The following GSTZ1 variants were observed in gnomAD, a reference collection of about 807,000 sequenced individuals.
The protein encoded by GSTZ1 is maleylacetoacetate isomerase.
Under a neutral mutation model 35.9 loss-of-function variants are expected in GSTZ1, and 34 were observed. The ratio of observed to expected loss-of-function variants is 0.95; its 90% CI spans 0.72 to 1.26. The LOEUF (loss-of-function observed/expected upper bound fraction) is 1.26. GSTZ1 is among the 50% of genes most tolerant of loss of function. GSTZ1 has a pLI of 0.00. For missense variants in GSTZ1, 263 were observed against 271.7 expected, an observed-to-expected ratio of 0.97 and a Z score of 0.23; for synonymous variants, 93 against 101.2, an observed-to-expected ratio of 0.92 and a Z score of 0.49.
chr14:77,330,691 G>A (rs774584711), intron 8 of GSTZ1, among the ~76,000 whole-genome samples: 42 of 152,096 alleles, frequency 2.8e-4, no homozygotes, highest in Non-Finnish European at 4.9e-4. Context: ...GCATCCTTCC[G>A]TGAACCCTTT....
At chr14:77,330,132 T>G in intron 7 of GSTZ1, 178 bp from the exon 8 acceptor site, 1 of 741,318 alleles carries the variant, frequency 1.3e-6, no homozygotes. Flanking sequence ...GGGAGGGCAC[T>G]TCAGCTCCGG....
At chr14:77,324,348 T>C in intron 1 of GSTZ1, 1 of 518,924 alleles carries the variant, frequency 1.9e-6, no homozygotes, top group South Asian at 2.1e-5. Context: ...GGTTTCACCA[T>C]GTTGGCCAGG....
At chr14:77,321,604 C>A (rs1275736110) in intron 1 of GSTZ1, 4 of 1,102,390 alleles carry the variant, frequency 3.6e-6, no homozygotes, top group Non-Finnish European at 4.6e-6. Context: ...AGTCCCCGGG[C>A]CGGGCGCGGT....
Position 77,329,824 on chromosome 14 carries a change from C to G in GSTZ1, c.474+17C>G. The stretch of plus-strand genomic sequence containing the variant: ...GGAGACGAGGTAAGCTGTCCCCAGA[C>G]CTCCCCAGGCCCAGCCACAGTGGCT... On this transcript the variant is annotated intron_variant, in intron 7 of 8. Transcript: ENST00000216465. 1 of 1,600,320 alleles carries G rather than the reference C, an allele frequency of 6.2e-7. No individual in the cohort carries two copies. Among genetic ancestry groups the G allele is most frequent in the Non-Finnish European group, 8.6e-7 (1 of 1,167,462 alleles).
chr14:77,324,463 CCAGAGT>C (rs1475765048), intron 1 of GSTZ1: 6 of 742,850 alleles, frequency 8.1e-6, no homozygotes, highest in African/African-American at 6.9e-5. Context: ...CCCTTTCTGA[CCAGAGT>C]CAAAGTTCCC....
rs889720513 is a variant in GSTZ1, at chr14:77,331,361, C to G, written c.*166C>G. 1.3e-6 allele frequency: 1 copy of G among 745,048 alleles called. No individual in the cohort carries two copies. The highest frequency in any genetic ancestry group is 1.8e-5 in the African/African-American group (1 of 56,948). 46.2% of individuals were successfully genotyped at this position (745,048 alleles called of 1,614,324 possible). ...TCCACCTCAGTCCCCTCATCTGTCA[C>G]ACGCATGTGGGGTGGAGTAGGGAGA... is the stretch of plus-strand genomic sequence containing the variant. On this transcript the variant is annotated 3_prime_UTR_variant, in exon 9 of 9. Transcript: ENST00000216465.
Position 77,321,095 on chromosome 14 carries a change from C to T in GSTZ1, c.-74C>T, listed in dbSNP as rs1260675838. The T allele has an allele frequency of 5.7e-6, 8 of 1,397,904 alleles. No homozygotes were observed. The East Asian group carries it at 2.1e-4, about 36-fold the overall frequency. 86.6% of individuals were successfully genotyped at this position (1,397,904 alleles called of 1,614,324 possible). A position where few individuals can be genotyped will look rare whatever the true frequency, so the allele number is the denominator to read the frequency against. On this transcript the variant is annotated 5_prime_UTR_variant, in exon 1 of 9. Transcript: ENST00000216465. ...CACGGGCCTGATTCGTCGAGTCTCACTGAGCCTTAGTCGTCGGCAGGTCCC... is the reference window on the plus strand; with the variant it reads ...CACGGGCCTGATTCGTCGAGTCTCATTGAGCCTTAGTCGTCGGCAGGTCCC...
At position 77,331,389 on chromosome 14, in the gene GSTZ1, C is replaced by T. The variant is rs971109164; in HGVS notation, c.*194C>T. On this transcript the variant is annotated 3_prime_UTR_variant, in exon 9 of 9. Coordinates refer to ENST00000216465, the MANE Select transcript of GSTZ1 (RefSeq NM_145870.3). ...GCATGTGGGGTGGAGTAGGGAGATGCGGGGAGCAGGGTGGGCAGGAATACT... is the reference window on the plus strand; with the variant it reads ...GCATGTGGGGTGGAGTAGGGAGATGTGGGGAGCAGGGTGGGCAGGAATACT... The T allele has an allele frequency of 1.7e-6, 1 of 596,514 alleles. No homozygotes were observed. The highest frequency in any genetic ancestry group is 2.8e-5 in the East Asian group (1 of 35,120). The allele number at this position is 596,514 out of a possible 1,614,324, so 37.0% of individuals were successfully genotyped here. A position where few individuals can be genotyped will look rare whatever the true frequency, so the allele number is the denominator to read the frequency against.
chr14:77,328,225 TC>T (rs1566674707), intron 5 of GSTZ1, 188 bp downstream of exon 5: 1 of 626,056 alleles, frequency 1.6e-6, no homozygotes, highest in Admixed American at 2.9e-5. Context: ...CCCCAGCGGG[TC>T]CCCCGCTGCG....
intron 1 of GSTZ1, 190 bp downstream of exon 1, chr14:77,321,373 TGG>T: frequency 6.5e-7 from 1 of 1,530,954 alleles, no homozygotes; most frequent in Non-Finnish European, 8.7e-7. Flanking sequence ...CCGGGAGGGT[TGG>T]GCCAGAGGAG....
At chr14:77,330,721 CCT>C (rs1489975150) in intron 8 of GSTZ1, among the ~76,000 whole-genome samples, 2 of 152,162 alleles carry the variant, frequency 1.3e-5, no homozygotes, top group Non-Finnish European at 2.9e-5. Flanking sequence ...CAAATGAGCA[CCT>C]CTCTGGAAGG....
At position 77,327,991 on chromosome 14, in the gene GSTZ1, T is replaced by C; in HGVS notation, c.296T>C (p.Val99Ala). ...LPQDPKKRAS[V>A]RMISDLIAGG... Reference sequence around the variant, plus strand: ...CAGGACCCAAAGAAGAGGGCCAGCGTGCGTATGATTTCTGACCTCATCGCT... The same window carrying C: ...CAGGACCCAAAGAAGAGGGCCAGCGCGCGTATGATTTCTGACCTCATCGCT... The change falls in exon 5 of 9, where the codon GTG (valine) becomes GCG (alanine). Residue 99 changes from valine (V) to alanine (A), a missense_variant. By Grantham distance (64) the Val-to-Ala change is moderately conservative. Transcript: ENST00000216465. 1 of 1,614,098 alleles carries C rather than the reference T, an allele frequency of 6.2e-7. No individual in the cohort carries two copies. The highest frequency in any genetic ancestry group is 8.5e-7 in the Non-Finnish European group (1 of 1,179,970).
At chr14:77,324,959 G>T (rs778517696) in intron 2 of GSTZ1, 38 bp downstream of exon 2, 3 of 1,537,528 alleles carry the variant, frequency 2.0e-6, no homozygotes, top group Middle Eastern at 1.7e-4. Flanking sequence ...GTGCTGGAGT[G>T]GGGTGGACTG....
intron 3 of GSTZ1, 53 bp from the exon 4 acceptor site, chr14:77,327,419 C>A: frequency 8.6e-7 from 1 of 1,161,572 alleles, no homozygotes; most frequent in East Asian, 2.4e-5. Context: ...CTTGGCTTTC[C>A]TCTGGCCAAC....
At chr14:77,328,085 C>T (rs919768738) in intron 5 of GSTZ1, 48 bp downstream of exon 5, 5 of 1,604,228 alleles carry the variant, frequency 3.1e-6, no homozygotes, top group African/African-American at 2.7e-5. Context: ...CACACTCTTA[C>T]ACTCACACAT....
chr14:77,327,946 C>A lies in GSTZ1; in HGVS notation c.251C>A (p.Pro84His). 6.2e-7 allele frequency: 1 copy of A among 1,613,778 alleles called. No homozygotes were observed. The highest frequency in any genetic ancestry group is 8.5e-7 in the Non-Finnish European group (1 of 1,179,760). Reference sequence around the variant, plus strand: ...ATTGAGTATCTAGAGGAGATGCGTCCCACTCCGCGACTTCTGCCTCAGGAC... The same window carrying A: ...ATTGAGTATCTAGAGGAGATGCGTCACACTCCGCGACTTCTGCCTCAGGAC... ...AIIEYLEEMR[P>H]TPRLLPQDPK... Residue 84 changes from proline (P) to histidine (H), a missense_variant, in exon 5 of 9, where the codon CCC (proline) becomes CAC (histidine). Coordinates refer to ENST00000216465, the MANE Select transcript of GSTZ1 (RefSeq NM_145870.3).
At chr14:77,328,844 G>A (rs548882932) in intron 5 of GSTZ1, 63 of 496,502 alleles carry the variant, frequency 1.3e-4, no homozygotes, top group Admixed American at 2.6e-4. Context: ...CCATGGCCGC[G>A]TCCTGTGTCA....
At chr14:77,326,077 T>C (rs1255202144) in intron 2 of GSTZ1, 2 of 152,450 alleles carry the variant, frequency 1.3e-5, no homozygotes, top group African/African-American at 4.8e-5. Flanking sequence ...TTCCCTGAGA[T>C]TGGCCATCAC....
chr14:77,327,339 G>T (rs1892372141), intron 3 of GSTZ1, 133 bp from the exon 4 acceptor site: 2 of 678,118 alleles, frequency 2.9e-6, no homozygotes, highest in Non-Finnish European at 5.4e-6. Flanking sequence ...ATTACCCTGG[G>T]CCTAGGATTT....
Sources: allele counts gnomAD v4.1 joint callset (sites outside exome capture counted in the v4.1 genomes callset), GRCh38; gene constraint gnomAD v4.1.1; transcripts MANE v1.5; gene names NCBI Gene and HGNC (gene_info 2026-07-23, HGNC 2026-07-21).